SUPT20HL2: variants seen among roughly 807,000 people sequenced by gnomAD.
SUPT20HL2 encodes the protein SUPT20H like 2.
For synonymous variants in SUPT20HL2, 125 were observed against 51.6 expected, an observed-to-expected ratio of 2.42 and a Z score of -6.10; for missense variants, 288 against 127.4, an observed-to-expected ratio of 2.26 and a Z score of -6.07.
Position 24,310,490 on chromosome X carries a change from C to T in SUPT20HL2, c.*372G>A, listed in dbSNP as rs1183999154. On this transcript the variant is annotated 3_prime_UTR_variant, in exon 1 of 1. Coordinates refer to ENST00000486479, the MANE Select transcript of SUPT20HL2 (RefSeq NM_001136233.3). The stretch of plus-strand genomic sequence containing the variant: ...TGCGCTCTTCTTGTTAAAATATTAA[C>T]TTAAAATTAAAATCTTGTTAAAATA... Among the ~76,000 whole-genome samples the T allele has an allele frequency of 8.9e-6, 1 of 112,465 alleles. No individual in the cohort carries two copies. The highest frequency in any genetic ancestry group is 1.9e-5 in the Non-Finnish European group (1 of 53,333).
rs1187297969 is a variant in SUPT20HL2, at chrX:24,311,751, ACAGCAGCAGCAGCTAAAG to A, written c.1547_1564del (p.Ala516_Ala521del). 2.8e-6 allele frequency: 1 copy of A among 353,896 alleles called. No homozygotes were observed. Among genetic ancestry groups the A allele is most frequent in the Non-Finnish European group, 5.7e-6 (1 of 176,760 alleles). 29.2% of individuals were successfully genotyped at this position (353,896 alleles called of 1,213,427 possible). On this transcript the variant is annotated inframe_deletion, in exon 1 of 1. Transcript: ENST00000486479. ...TGCCGCCCCACCGGCCGCCGCCGCC[ACAGCAGCAGCAGCTAAAG>A]CAGGAGCAGCAGCAGGAGCAGGAGC...
At position 24,309,761 on chromosome X, in the gene SUPT20HL2, A is replaced by G. The variant is rs1939104685; in HGVS notation, c.*1101T>C. ...AAAAAAAAAAGAAAAAAAAAAAAAAAAAAAAAAACATCCAAAAAGAGCCTT... is the reference window on the plus strand; with the variant it reads ...AAAAAAAAAAGAAAAAAAAAAAAAAGAAAAAAAACATCCAAAAAGAGCCTT... On this transcript the variant is annotated 3_prime_UTR_variant, in exon 1 of 1. Coordinates refer to ENST00000486479, the MANE Select transcript of SUPT20HL2 (RefSeq NM_001136233.3). Among the ~76,000 whole-genome samples, 2 of 92,830 alleles carry G rather than the reference A, an allele frequency of 2.2e-5. No homozygotes were observed. Among genetic ancestry groups the G allele is most frequent in the African/African-American group, 3.9e-5 (1 of 25,687 alleles). 80.6% of individuals were successfully genotyped at this position (92,830 alleles called of 115,157 possible). A position where few individuals can be genotyped will look rare whatever the true frequency, so the allele number is the denominator to read the frequency against.
In SUPT20HL2 at chrX:24,309,728, T is replaced by G. The variant is rs201295142; in HGVS notation, c.*1134A>C. Reference sequence around the variant, plus strand: ...ATTAAAAAAAAAAAGAAAAAAATAATAAAAATAAAAAAAAAAAGAAAAAAA... The same window carrying G: ...ATTAAAAAAAAAAAGAAAAAAATAAGAAAAATAAAAAAAAAAAGAAAAAAA... On this transcript the variant is annotated 3_prime_UTR_variant, in exon 1 of 1. Coordinates refer to ENST00000486479, the MANE Select transcript of SUPT20HL2 (RefSeq NM_001136233.3). Among the ~76,000 whole-genome samples the G allele has an allele frequency of 7.8e-5, 1 of 12,766 alleles. No individual in the cohort carries two copies. The highest frequency in any genetic ancestry group is 5.6e-4 in the African/African-American group (1 of 1,797). 11.1% of individuals were successfully genotyped at this position (12,766 alleles called of 115,157 possible). A position where few individuals can be genotyped will look rare whatever the true frequency, so the allele number is the denominator to read the frequency against.
In SUPT20HL2 at chrX:24,314,009, G is replaced by C; in HGVS notation, c.-694C>G. On this transcript the variant is annotated 5_prime_UTR_variant, in exon 1 of 1. Coordinates refer to ENST00000486479, the MANE Select transcript of SUPT20HL2 (RefSeq NM_001136233.3). ...CTGTTTGAGGGTTTCTGAAAACATC[G>C]GTACCTGAGGGGTGATTGTCGTGGC... 1 of 365,728 alleles carries C rather than the reference G, an allele frequency of 2.7e-6. No individual in the cohort carries two copies. The highest frequency in any genetic ancestry group is 5.4e-6 in the Non-Finnish European group (1 of 186,780). 30.1% of individuals were successfully genotyped at this position (365,728 alleles called of 1,213,427 possible). A position where few individuals can be genotyped will look rare whatever the true frequency, so the allele number is the denominator to read the frequency against.
chrX:24,310,803 G>T lies in SUPT20HL2; in HGVS notation c.*59C>A. On this transcript the variant is annotated 3_prime_UTR_variant, in exon 1 of 1. Transcript: ENST00000486479. ...AAAAAACAAAACTCAAGTAAAAACTGGGAATTCATGTGGGTCAGTGCTCCC... is the reference window on the plus strand; with the variant it reads ...AAAAAACAAAACTCAAGTAAAAACTTGGAATTCATGTGGGTCAGTGCTCCC... 3.4e-6 allele frequency: 1 copy of T among 294,801 alleles called. No homozygotes were observed. The highest frequency in any genetic ancestry group is 8.7e-5 in the East Asian group (1 of 11,512). 24.3% of individuals were successfully genotyped at this position (294,801 alleles called of 1,213,427 possible). A position where few individuals can be genotyped will look rare whatever the true frequency, so the allele number is the denominator to read the frequency against.
In SUPT20HL2 at chrX:24,309,705, TAA is replaced by T. The variant is rs1157065397; in HGVS notation, c.*1155_*1156del. 5.5e-5 allele frequency among the ~76,000 whole-genome samples: 1 copy of T among 18,039 alleles called. No homozygotes were observed. The highest frequency in any genetic ancestry group is 2.6e-4 in the African/African-American group (1 of 3,790). 15.7% of individuals were successfully genotyped at this position (18,039 alleles called of 115,157 possible). A position where few individuals can be genotyped will look rare whatever the true frequency, so the allele number is the denominator to read the frequency against. ...AAAAAAAAAAATTAAAAAAAAAAAT[TAA>T]AAAAAAAAAGAAAAAAATAATAAAA... On this transcript the variant is annotated 3_prime_UTR_variant, in exon 1 of 1. Transcript: ENST00000486479.
At position 24,310,444 on chromosome X, in the gene SUPT20HL2, T is replaced by C. The variant is rs146236475; in HGVS notation, c.*418A>G. Among the ~76,000 whole-genome samples, 73 of 112,359 alleles carry C rather than the reference T, an allele frequency of 6.5e-4. No homozygotes were observed. The highest frequency in any genetic ancestry group is 1.9e-3 in the African/African-American group (60 of 30,971). ...GTCCATTTTAGATTATATGTTTTTA[T>C]CACCATTAAAAATTTTAAATTGCGC... On this transcript the variant is annotated 3_prime_UTR_variant, in exon 1 of 1. Transcript: ENST00000486479.
Position 24,312,709 on chromosome X carries a change from C to G in SUPT20HL2, c.607G>C (p.Ala203Pro), listed in dbSNP as rs1939145751. The G allele has an allele frequency of 2.6e-6, 1 of 387,204 alleles. No individual in the cohort carries two copies. Among genetic ancestry groups the G allele is most frequent in the Non-Finnish European group, 5.2e-6 (1 of 192,661 alleles). 31.9% of individuals were successfully genotyped at this position (387,204 alleles called of 1,213,427 possible). Residue 203 changes from alanine (A) to proline (P), a missense_variant, in exon 1 of 1, where the codon GCG (alanine) becomes CCG (proline). Ala to Pro is a conservative substitution (Grantham distance 27). Transcript: ENST00000486479. ...KFPLESQLIL[A>P]TAEPLCLDPS... ...TCAAGACACAGTGGTTCAGCTGTCG[C>G]TAAGATCAGTTGACTCTCAAGAGGA...
In SUPT20HL2 at chrX:24,309,734, T is replaced by TAAAAAAAAAAAA. The variant is rs1429702092; in HGVS notation, c.*1127_*1128insTTTTTTTTTTTT. ...AAAAAAAAGAAAAAAATAATAAAAA[T>TAAAAAAAAAAAA]AAAAAAAAAAAGAAAAAAAAAAAAA... On this transcript the variant is annotated 3_prime_UTR_variant, in exon 1 of 1. Transcript: ENST00000486479. Among the ~76,000 whole-genome samples, 13 of 15,724 alleles carry TAAAAAAAAAAAA rather than the reference T, an allele frequency of 8.3e-4. No individual in the cohort carries two copies. Among genetic ancestry groups the TAAAAAAAAAAAA allele is most frequent in the Admixed American group, 2.1e-3 (2 of 945 alleles). The allele number at this position is 15,724 out of a possible 115,157, so 13.7% of individuals were successfully genotyped here. A position where few individuals can be genotyped will look rare whatever the true frequency, so the allele number is the denominator to read the frequency against.
rs1157065397 is a variant in SUPT20HL2, at chrX:24,309,705, T to TAAAAAAAAAAAAAA, written c.*1156_*1157insTTTTTTTTTTTTTT. On this transcript the variant is annotated 3_prime_UTR_variant, in exon 1 of 1. Transcript: ENST00000486479. ...AAAAAAAAAAATTAAAAAAAAAAATTAAAAAAAAAAAGAAAAAAATAATAA... is the reference window on the plus strand; with the variant it reads ...AAAAAAAAAAATTAAAAAAAAAAATTAAAAAAAAAAAAAAAAAAAAAAAAAGAAAAAAATAATAA... 2.2e-4 allele frequency among the ~76,000 whole-genome samples: 4 copies of TAAAAAAAAAAAAAA among 18,035 alleles called. No homozygotes were observed. The highest frequency in any genetic ancestry group is 3.6e-4 in the Non-Finnish European group (4 of 11,155). The allele number at this position is 18,035 out of a possible 115,157, so 15.7% of individuals were successfully genotyped here.
chrX:24,308,775 C>G lies in SUPT20HL2; in HGVS notation c.*2087G>C, dbSNP rs1485193520. On this transcript the variant is annotated 3_prime_UTR_variant, in exon 1 of 1. Transcript: ENST00000486479. ...GATGCTTGTACATGAAAGTTGACAG[C>G]AGCTCTATGCACAGCGCCCAAAAGG... Among the ~76,000 whole-genome samples the G allele has an allele frequency of 8.9e-6, 1 of 111,864 alleles. No individual in the cohort carries two copies. The highest frequency in any genetic ancestry group is 1.9e-5 in the Non-Finnish European group (1 of 53,243).
In SUPT20HL2 at chrX:24,309,733, ATAAAAAAAAAAAG is replaced by A. The variant is rs1939099430; in HGVS notation, c.*1116_*1128del. Among the ~76,000 whole-genome samples, 2 of 60,212 alleles carry A rather than the reference ATAAAAAAAAAAAG, an allele frequency of 3.3e-5. No homozygotes were observed. Among genetic ancestry groups the A allele is most frequent in the African/African-American group, 1.8e-4 (2 of 10,941 alleles). 52.3% of individuals were successfully genotyped at this position (60,212 alleles called of 115,157 possible). A position where few individuals can be genotyped will look rare whatever the true frequency, so the allele number is the denominator to read the frequency against. ...AAAAAAAAAGAAAAAAATAATAAAA[ATAAAAAAAAAAAG>A]AAAAAAAAAAAAAAAAAAAAAAACA... On this transcript the variant is annotated 3_prime_UTR_variant, in exon 1 of 1. Transcript: ENST00000486479.
In SUPT20HL2 at chrX:24,309,734, T is replaced by TAAAAAAAAA. The variant is rs1429702092; in HGVS notation, c.*1119_*1127dup. Among the ~76,000 whole-genome samples, 11 of 15,700 alleles carry TAAAAAAAAA rather than the reference T, an allele frequency of 7.0e-4. No individual in the cohort carries two copies. Among genetic ancestry groups the TAAAAAAAAA allele is most frequent in the South Asian group, 7.9e-3 (1 of 127 alleles). The allele number at this position is 15,700 out of a possible 115,157, so 13.6% of individuals were successfully genotyped here. ...AAAAAAAAGAAAAAAATAATAAAAATAAAAAAAAAAAGAAAAAAAAAAAAA... is the reference window on the plus strand; with the variant it reads ...AAAAAAAAGAAAAAAATAATAAAAATAAAAAAAAAAAAAAAAAAAAGAAAAAAAAAAAAA... On this transcript the variant is annotated 3_prime_UTR_variant, in exon 1 of 1. Coordinates refer to ENST00000486479, the MANE Select transcript of SUPT20HL2 (RefSeq NM_001136233.3).
rs1454346335 is a variant in SUPT20HL2, at chrX:24,308,250, GA to G, written c.*2611del. 8.0e-6 allele frequency: 3 copies of G among 375,093 alleles called. No homozygotes were observed. The highest frequency in any genetic ancestry group is 1.6e-5 in the Non-Finnish European group (3 of 192,485). 30.9% of individuals were successfully genotyped at this position (375,093 alleles called of 1,213,427 possible). A position where few individuals can be genotyped will look rare whatever the true frequency, so the allele number is the denominator to read the frequency against. ...AAACTAAATTTATTTGCCTGCCTGG[GA>G]AGGGAAGGTCACATCACTGAAGCAC... On this transcript the variant is annotated 3_prime_UTR_variant, in exon 1 of 1. Transcript: ENST00000486479.
At position 24,308,424 on chromosome X, in the gene SUPT20HL2, C is replaced by T. The variant is rs938998569; in HGVS notation, c.*2438G>A. The T allele has an allele frequency of 3.2e-5, 10 of 307,934 alleles. No homozygotes were observed. Among genetic ancestry groups the T allele is most frequent in the Non-Finnish European group, 2.5e-5 (4 of 158,116 alleles). 25.4% of individuals were successfully genotyped at this position (307,934 alleles called of 1,213,427 possible). On this transcript the variant is annotated 3_prime_UTR_variant, in exon 1 of 1. Coordinates refer to ENST00000486479, the MANE Select transcript of SUPT20HL2 (RefSeq NM_001136233.3). Reference sequence around the variant, plus strand: ...CTTCTCTACAACTGGTCATTGCACTCGTTCGCCTCTTAAAAGTGCAGGCAC... The same window carrying T: ...CTTCTCTACAACTGGTCATTGCACTTGTTCGCCTCTTAAAAGTGCAGGCAC...
Position 24,310,990 on chromosome X carries a change from C to T in SUPT20HL2, c.2326G>A (p.Val776Ile), listed in dbSNP as rs1939117450. Reference sequence around the variant, plus strand: ...GCCAAAAACACTGGCTGCTGCAGGACTCTCAAAGGCTGTGTCTGGAGCTGG... The same window carrying T: ...GCCAAAAACACTGGCTGCTGCAGGATTCTCAAAGGCTGTGTCTGGAGCTGG... The part of the protein sequence containing the change: ...QIQLQTQPLR[V>I]LQQPVFLATG... Residue 776 changes from valine (V) to isoleucine (I), a missense_variant, in exon 1 of 1, where the codon GTC becomes ATC. Val to Ile is a conservative substitution (Grantham distance 29, BLOSUM62 3). Coordinates refer to ENST00000486479, the MANE Select transcript of SUPT20HL2 (RefSeq NM_001136233.3). 1 of 383,912 alleles carries T rather than the reference C, an allele frequency of 2.6e-6. No homozygotes were observed. The highest frequency in any genetic ancestry group is 5.2e-6 in the Non-Finnish European group (1 of 191,632). 31.6% of individuals were successfully genotyped at this position (383,912 alleles called of 1,213,427 possible).
At position 24,309,728 on chromosome X, in the gene SUPT20HL2, T is replaced by TAAA. The variant is rs1939098610; in HGVS notation, c.*1131_*1133dup. Reference sequence around the variant, plus strand: ...ATTAAAAAAAAAAAGAAAAAAATAATAAAAATAAAAAAAAAAAGAAAAAAA... The same window carrying TAAA: ...ATTAAAAAAAAAAAGAAAAAAATAATAAAAAAAATAAAAAAAAAAAGAAAAAAA... On this transcript the variant is annotated 3_prime_UTR_variant, in exon 1 of 1. Transcript: ENST00000486479. 7.8e-4 allele frequency among the ~76,000 whole-genome samples: 10 copies of TAAA among 12,767 alleles called. No homozygotes were observed. Among genetic ancestry groups the TAAA allele is most frequent in the African/African-American group, 1.7e-3 (3 of 1,798 alleles). The allele number at this position is 12,767 out of a possible 115,157, so 11.1% of individuals were successfully genotyped here.
chrX:24,311,750 C>T lies in SUPT20HL2; in HGVS notation c.1566G>A (p.Val522=), dbSNP rs1939130385. The T allele has an allele frequency of 5.6e-6, 2 of 355,674 alleles. No individual in the cohort carries two copies. Among genetic ancestry groups the T allele is most frequent in the Non-Finnish European group, 1.1e-5 (2 of 177,165 alleles). 29.3% of individuals were successfully genotyped at this position (355,674 alleles called of 1,213,427 possible). The change falls in exon 1 of 1, where the codon GTG becomes GTA. Residue 522 remains valine (V), a synonymous_variant. Transcript: ENST00000486479. ...GTGCCGCCCCACCGGCCGCCGCCGC[C>T]ACAGCAGCAGCAGCTAAAGCAGGAG... ...AAAPALAAAA[V]AAAAGGAAPS... is the part of the protein sequence containing the mutation.
rs1466239049 is a variant in SUPT20HL2 at position 24,309,425 on chromosome X, G to T, written c.*1437C>A. Reference sequence around the variant, plus strand: ...TATTTGAAAAGCAAACCAATAAAATGGATTTTCAAATGTTTCACTAAATGT... The same window carrying T: ...TATTTGAAAAGCAAACCAATAAAATTGATTTTCAAATGTTTCACTAAATGT... On this transcript the variant is annotated 3_prime_UTR_variant, in exon 1 of 1. Transcript: ENST00000486479. 4.9e-5 allele frequency among the ~76,000 whole-genome samples: 5 copies of T among 101,593 alleles called. No homozygotes were observed. Among genetic ancestry groups the T allele is most frequent in the Non-Finnish European group, 1.0e-4 (5 of 49,616 alleles). The allele number at this position is 101,593 out of a possible 115,157, so 88.2% of individuals were successfully genotyped here.
Sources: gnomAD v4.1 joint callset for allele counts (sites outside exome capture counted in the v4.1 genomes callset) on GRCh38, gnomAD v4.1.1 for gene constraint, MANE v1.5 for transcripts, NCBI Gene and HGNC (gene_info 2026-07-23, HGNC 2026-07-21) for gene names.